GPC5: variants seen among roughly 807,000 people sequenced by gnomAD.
GPC5 encodes the protein glypican-5.
In GPC5, 47 loss-of-function variants were observed where a neutral mutation model predicts 53.9. That is an observed-to-expected ratio of 0.87 (90% CI 0.69 to 1.11). The LOEUF (loss-of-function observed/expected upper bound fraction) is 1.11. GPC5 is among the 50% of genes most tolerant of loss of function. GPC5 has a pLI of 0.00. For synonymous variants in GPC5, 286 were observed against 263.3 expected (o/e 1.09, Z -0.84); for missense variants, 748 against 713.1 (o/e 1.05, Z -0.56).
chr13:92,500,340 A>G (rs1489160585), intron 7 of GPC5, among the ~76,000 whole-genome samples: 7 of 152,148 alleles, frequency 4.6e-5, no homozygotes, highest in Non-Finnish European at 1.0e-4. Context: ...CCCTCCTGGC[A>G]TGTATTCAGC....
chr13:92,584,100 C>A (rs2139057294), intron 7 of GPC5, among the ~76,000 whole-genome samples: 1 of 152,190 alleles, frequency 6.6e-6, no homozygotes, highest in South Asian at 2.1e-4. Context: ...TACATTGGTA[C>A]CAGTAGAGTG....
At chr13:92,254,420 T>C (rs2042713036) in intron 7 of GPC5, among the ~76,000 whole-genome samples, 1 of 152,128 alleles carries the variant, frequency 6.6e-6, no homozygotes, top group Admixed American at 6.6e-5. Context: ...TAAAGCAGTT[T>C]GGAATTAGTT....
intron 7 of GPC5, among the ~76,000 whole-genome samples, chr13:92,772,168 GC>G (rs1875639399): frequency 6.6e-6 from 1 of 152,024 alleles, no homozygotes; most frequent in Non-Finnish European, 1.5e-5. Context: ...CCCTGAAATA[GC>G]CTCCCACTTC....
At chr13:91,806,391 A>T (rs1396568708) in intron 5 of GPC5, among the ~76,000 whole-genome samples, 6 of 151,256 alleles carry the variant, frequency 4.0e-5, no homozygotes, top group Non-Finnish European at 8.8e-5. Context: ...AGCAGAATTT[A>T]TTTTTTAATT....
At chr13:91,501,698 A>G (rs928213241) in intron 2 of GPC5, among the ~76,000 whole-genome samples, 7 of 152,220 alleles carry the variant, frequency 4.6e-5, no homozygotes, top group South Asian at 2.1e-4. Flanking sequence ...TAATGCCACA[A>G]TAAACATACG....
chr13:92,241,872 T>A (rs192490953), intron 7 of GPC5: 1 of 152,300 alleles, frequency 6.6e-6, no homozygotes, highest in East Asian at 1.9e-4. Flanking sequence ...CAACTAATAC[T>A]TTGTGAATTC....
chr13:91,713,061 C>T (rs1438273253), intron 3 of GPC5, among the ~76,000 whole-genome samples: 1 of 152,038 alleles, frequency 6.6e-6, no homozygotes, highest in Non-Finnish European at 1.5e-5. Flanking sequence ...CATGGAGGTG[C>T]ACACCTATAA....
chr13:91,415,749 G>A (rs982167898), intron 1 of GPC5, among the ~76,000 whole-genome samples: 13 of 146,860 alleles, frequency 8.9e-5, no homozygotes, highest in African/African-American at 3.2e-4. Context: ...GCGGGGGTGG[G>A]GGGGGTGGGG....
chr13:92,004,955 T>C (rs532053686), intron 6 of GPC5, among the ~76,000 whole-genome samples: 1 of 152,214 alleles, frequency 6.6e-6, no homozygotes, highest in South Asian at 2.1e-4. Flanking sequence ...ATGGCTTGCT[T>C]TTATTCTGGC....
At chr13:92,022,636 T>G (rs533258892) in intron 6 of GPC5, among the ~76,000 whole-genome samples, 45 of 152,120 alleles carry the variant, frequency 3.0e-4, no homozygotes, top group African/African-American at 1.1e-3. Flanking sequence ...GTAGTTACTT[T>G]TAAAGGTAAA....
chr13:92,032,246 C>A (rs954492144), intron 6 of GPC5, among the ~76,000 whole-genome samples: 2 of 150,390 alleles, frequency 1.3e-5, no homozygotes, highest in Non-Finnish European at 3.0e-5. Context: ...ATTGCAAAGG[C>A]ATAAGAATAC....
At chr13:91,963,125 C>A (rs2040141825) in intron 6 of GPC5, among the ~76,000 whole-genome samples, 1 of 152,084 alleles carries the variant, frequency 6.6e-6, no homozygotes, top group African/African-American at 2.4e-5. Flanking sequence ...TTCTCATCTT[C>A]AAACAGGGAA....
chr13:92,039,750 GT>G (rs568192301), intron 6 of GPC5, among the ~76,000 whole-genome samples: 11 of 151,246 alleles, frequency 7.3e-5, no homozygotes, highest in South Asian at 2.1e-4. Context: ...ACCTTCACGT[GT>G]TTTTTTTTCT....
chr13:91,867,330 G>T (rs1035134465), intron 5 of GPC5, among the ~76,000 whole-genome samples: 1 of 152,190 alleles, frequency 6.6e-6, no homozygotes, highest in African/African-American at 2.4e-5. Context: ...CCACTTACAT[G>T]ACATGTTTGC....
intron 6 of GPC5, among the ~76,000 whole-genome samples, chr13:92,100,401 CA>C (rs1228775929): frequency 6.6e-6 from 1 of 151,808 alleles, no homozygotes; most frequent in Admixed American, 6.6e-5. Flanking sequence ...GACCTCATCT[CA>C]AAAAAATTTA....
intron 7 of GPC5, among the ~76,000 whole-genome samples, chr13:92,646,846 TTA>T (rs1458141818): frequency 4.3e-5 from 6 of 138,010 alleles, no homozygotes; most frequent in African/African-American, 1.5e-4. Context: ...GGGTGTGATT[TTA>T]TATATATGTA....
At chr13:92,836,463 AATTTT>A (rs1159515056) in intron 7 of GPC5, among the ~76,000 whole-genome samples, 2 of 152,032 alleles carry the variant, frequency 1.3e-5, no homozygotes, top group African/African-American at 4.8e-5. Flanking sequence ...CCTAAAATAG[AATTTT>A]ATTAAGTTGT....
chr13:91,698,748 A>T (rs2035934308), intron 3 of GPC5, among the ~76,000 whole-genome samples: 1 of 143,412 alleles, frequency 7.0e-6, no homozygotes, highest in Non-Finnish European at 1.5e-5. Context: ...AGTAACTATC[A>T]CACATGAACT....
At chr13:92,367,496 C>A (rs1372970890) in intron 7 of GPC5, among the ~76,000 whole-genome samples, 1 of 152,068 alleles carries the variant, frequency 6.6e-6, no homozygotes, top group Non-Finnish European at 1.5e-5. Flanking sequence ...AAACTTTTGC[C>A]ATTTTTTACC....
Sources: gnomAD v4.1 joint callset for allele counts (sites outside exome capture counted in the v4.1 genomes callset) on GRCh38, gnomAD v4.1.1 for gene constraint, MANE v1.5 for transcripts, NCBI Gene and HGNC (gene_info 2026-07-23, HGNC 2026-07-21) for gene names.